YTHDC1: variants seen among roughly 807,000 people sequenced by gnomAD.
YTHDC1 encodes YTH domain-containing protein 1.
In YTHDC1, 12 loss-of-function variants were observed where a neutral mutation model predicts 107.0. The ratio of observed to expected loss-of-function variants is 0.11; its 90% CI spans 0.07 to 0.18. The LOEUF (loss-of-function observed/expected upper bound fraction) is 0.18. Ranked by LOEUF, YTHDC1 falls within the 10% of genes least tolerant of loss-of-function variation. The probability of loss-of-function intolerance (pLI) is 1.00; values close to 1 mark genes in which losing one functional copy is unlikely to be tolerated. For synonymous variants in YTHDC1, 280 were observed against 289.5 expected, an observed-to-expected ratio of 0.97 and a Z score of 0.33; for missense variants, 635 against 898.8, an observed-to-expected ratio of 0.71 and a Z score of 3.75.
chr4:68,322,958 T>C lies in YTHDC1; in HGVS notation c.1435-43A>G, dbSNP rs763145759. 4.4e-6 allele frequency: 7 copies of C among 1,586,902 alleles called. No homozygotes were observed. Among genetic ancestry groups the C allele is most frequent in the Admixed American group, 3.4e-5 (2 of 58,290 alleles). On this transcript the variant is annotated intron_variant, in intron 10 of 16. Transcript: ENST00000344157. The surrounding 1 kb of genome is among the most constrained non-coding windows in gnomAD (Gnocchi z 4.8). ...CAATTTATAAAACAAAAACAGACCC[T>C]TTCAACAGACTTGCATTTTCCTGAT...
intron 4 of YTHDC1, among the ~76,000 whole-genome samples, chr4:68,335,851 C>T (rs112717260): frequency 5.3e-5 from 8 of 151,388 alleles, no homozygotes; most frequent in South Asian, 2.1e-4. Flanking sequence ...AACTCTACCT[C>T]CCTTGAAAAG....
Position 68,322,586 on chromosome 4 carries a change from G to C in YTHDC1, c.1601+163C>G. On this transcript the variant is annotated intron_variant, in intron 11 of 16. Transcript: ENST00000344157. The surrounding 1 kb of genome is among the most constrained non-coding windows in gnomAD (Gnocchi z 4.8). Reference sequence around the variant, plus strand: ...CTTGAAAAATGACTGAGACCAAGGTGACCATGTGAAATCCTCAATGAAGCC... The same window carrying C: ...CTTGAAAAATGACTGAGACCAAGGTCACCATGTGAAATCCTCAATGAAGCC... 1.3e-6 allele frequency: 1 copy of C among 787,892 alleles called. No individual in the cohort carries two copies. Among genetic ancestry groups the C allele is most frequent in the Non-Finnish European group, 1.9e-6 (1 of 521,794 alleles). 48.8% of individuals were successfully genotyped at this position (787,892 alleles called of 1,614,324 possible).
chr4:68,340,510 T>G (rs1034201546), intron 1 of YTHDC1, among the ~76,000 whole-genome samples: 2 of 152,030 alleles, frequency 1.3e-5, no homozygotes, highest in Non-Finnish European at 2.9e-5. Context: ...TAAGAAAAAT[T>G]TCTTCAAGAT....
chr4:68,330,199 T>C lies in YTHDC1; in HGVS notation c.1231+3A>G. The stretch of plus-strand genomic sequence containing the variant: ...TATATGTCCAAATTATTTTTATTCT[T>C]ACCTTGAAATTTTCCACTCTCTCTG... On this transcript the variant is annotated splice_donor_region_variant and intron_variant, in intron 8 of 16. Transcript: ENST00000344157. 1 of 1,588,362 alleles carries C rather than the reference T, an allele frequency of 6.3e-7. No individual in the cohort carries two copies. The highest frequency in any genetic ancestry group is 8.6e-7 in the Non-Finnish European group (1 of 1,165,216).
In YTHDC1 at chr4:68,318,499, A is replaced by C; in HGVS notation, c.1824+20T>G. 4 of 1,584,396 alleles carry C rather than the reference A, an allele frequency of 2.5e-6. No individual in the cohort carries two copies. The highest frequency in any genetic ancestry group is 3.4e-6 in the Non-Finnish European group (4 of 1,166,406). ...CTGCAAATTAAGTTATGTAACTTAT[A>C]AAAATAGAATAATACAAACCATTCC... On this transcript the variant is annotated intron_variant, in intron 15 of 16. Coordinates refer to ENST00000344157, the MANE Select transcript of YTHDC1 (RefSeq NM_001031732.4).
At chr4:68,348,677 A>G (rs1725716714) in intron 1 of YTHDC1, among the ~76,000 whole-genome samples, 1 of 152,170 alleles carries the variant, frequency 6.6e-6, no homozygotes, top group Admixed American at 6.5e-5. Flanking sequence ...TGCAGAAACC[A>G]GAAAAATTAA....
Position 68,322,868 on chromosome 4 carries a change from G to A in YTHDC1, c.1482C>T (p.Pro494=), listed in dbSNP as rs539394603. ...CGTQLCLLFP[P]DESIDLYQVI... is the part of the protein sequence containing the mutation. ...CCTGATACAAGTCAATACTTTCATC[G>A]GGGGGAAACAGAAGACAAAGCTGGG... The change falls in exon 11 of 17, where the codon CCC becomes CCT. Residue 494 remains proline, a synonymous_variant. Coordinates refer to ENST00000344157, the MANE Select transcript of YTHDC1 (RefSeq NM_001031732.4). The surrounding 1 kb of genome is among the most constrained non-coding windows in gnomAD (Gnocchi z 4.8). 58 of 1,613,790 alleles carry A rather than the reference G, an allele frequency of 3.6e-5. No homozygotes were observed. Among genetic ancestry groups the A allele is most frequent in the African/African-American group, 1.7e-4 (13 of 74,984 alleles).
At chr4:68,346,326 G>A (rs1036730344) in intron 1 of YTHDC1, among the ~76,000 whole-genome samples, 2 of 152,042 alleles carry the variant, frequency 1.3e-5, no homozygotes, top group African/African-American at 4.8e-5. Flanking sequence ...TTGGGAGGTT[G>A]GGGATGCAGT....
At chr4:68,337,488 AAAGAC>A in intron 3 of YTHDC1, 38 bp from the exon 4 acceptor site, 1 of 1,606,626 alleles carries the variant, frequency 6.2e-7, no homozygotes, top group Non-Finnish European at 8.5e-7. Flanking sequence ...CAGTCATATA[AAAGAC>A]AAGGTCAGGG....
chr4:68,333,787 C>G (rs1329263410), intron 4 of YTHDC1, among the ~76,000 whole-genome samples: 1 of 151,940 alleles, frequency 6.6e-6, no homozygotes, highest in Non-Finnish European at 1.5e-5. Flanking sequence ...TTTTTAAACT[C>G]CACTACCATT....
At chr4:68,339,920 A>G (rs1724631263) in intron 1 of YTHDC1, among the ~76,000 whole-genome samples, 1 of 152,192 alleles carries the variant, frequency 6.6e-6, no homozygotes, top group Admixed American at 6.5e-5. Context: ...GATAAACCTT[A>G]GAAATACACA....
rs991922786 is a variant in YTHDC1 at position 68,313,962 on chromosome 4, G to T, written c.*137C>A. Reference sequence around the variant, plus strand: ...ATGATACTGCATGCTTGGAACAAAGGGGGTCATAATAAATCCTTCTACACA... The same window carrying T: ...ATGATACTGCATGCTTGGAACAAAGTGGGTCATAATAAATCCTTCTACACA... On this transcript the variant is annotated 3_prime_UTR_variant, in exon 17 of 17. Transcript: ENST00000344157. The T allele has an allele frequency of 1.1e-6, 1 of 904,038 alleles. No homozygotes were observed. The highest frequency in any genetic ancestry group is 2.3e-5 in the Admixed American group (1 of 43,290). 56.0% of individuals were successfully genotyped at this position (904,038 alleles called of 1,614,324 possible).
intron 2 of YTHDC1, 151 bp downstream of exon 2, chr4:68,338,132 C>T (rs939361189): frequency 5.9e-6 from 8 of 1,344,710 alleles, no homozygotes; most frequent in Non-Finnish European, 8.0e-6. Flanking sequence ...AACAGATTAT[C>T]CCTATTCATA....
rs1274750350 is a variant in YTHDC1 at position 68,311,292 on chromosome 4, C to T, written c.*2807G>A. ...ATGGCCATTTTCTGAAAAATTAGAC[C>T]ATGCTTGAAAAAAAGCCATTATGGA... On this transcript the variant is annotated 3_prime_UTR_variant, in exon 17 of 17. Transcript: ENST00000344157. 1 of 151,382 alleles carries T rather than the reference C, an allele frequency of 6.6e-6. No individual in the cohort carries two copies. Among genetic ancestry groups the T allele is most frequent in the Non-Finnish European group, 1.5e-5 (1 of 67,824 alleles). The allele number at this position is 151,382 out of a possible 1,614,324, so 9.4% of individuals were successfully genotyped here.
At position 68,318,934 on chromosome 4, in the gene YTHDC1, C is replaced by T. The variant is rs974082420; in HGVS notation, c.1685-72G>A. The T allele has an allele frequency of 4.1e-5, 60 of 1,478,764 alleles. 1 individual carries two copies. The South Asian group carries it at 4.3e-4, about 11-fold the overall frequency. 91.6% of individuals were successfully genotyped at this position (1,478,764 alleles called of 1,614,324 possible). On this transcript the variant is annotated intron_variant, in intron 12 of 16. Coordinates refer to ENST00000344157, the MANE Select transcript of YTHDC1 (RefSeq NM_001031732.4). ...TTTATGGCATTATAATTAAACCTTC[C>T]TTACCACTCGTTTCAATTCTTTCCA...
rs112246578 is a variant in YTHDC1, at chr4:68,332,584, A to G, written c.1027+210T>C. 4.1e-3 allele frequency among the ~76,000 whole-genome samples: 626 copies of G among 152,054 alleles called. 3 individuals are homozygous for G. The highest frequency in any genetic ancestry group is 0.014 in the African/African-American group (586 of 41,520). ...CACACACCCATCCCATTTTGTCCAA[A>G]AACTAAAATATCCTGAAATGTTTGG... On this transcript the variant is annotated intron_variant, in intron 6 of 16. Coordinates refer to ENST00000344157, the MANE Select transcript of YTHDC1 (RefSeq NM_001031732.4).
intron 9 of YTHDC1, among the ~76,000 whole-genome samples, chr4:68,327,392 G>T (rs1723113349): frequency 6.7e-6 from 1 of 148,834 alleles, no homozygotes; most frequent in Admixed American, 6.7e-5. Context: ...AATTACAGGT[G>T]GCAACCTTAA....
rs200076950 is a variant in YTHDC1, at chr4:68,337,805, A to G, written c.226T>C (p.Ser76Pro). The stretch of plus-strand genomic sequence containing the variant: ...ATTCTTTTGTTATTGCTAACAGATG[A>G]GCTCAGTGGCTTAGAAACCAGTTGT... ...SRQLVSKPLS[S>P]SVSNNKRIVS... The change falls in exon 3 of 17, where the codon TCA becomes CCA. Residue 76 changes from serine (S) to proline (P), a missense_variant. This residue lies in a region of YTHDC1 where 294 missense variants were observed against 312.3 expected (regional missense o/e 0.94). Transcript: ENST00000344157. 125 of 1,613,958 alleles carry G rather than the reference A, an allele frequency of 7.7e-5. No individual in the cohort carries two copies. The highest frequency in any genetic ancestry group is 1.0e-4 in the Non-Finnish European group (122 of 1,180,034).
At position 68,311,952 on chromosome 4, in the gene YTHDC1, G is replaced by C. The variant is rs1338168424; in HGVS notation, c.*2147C>G. 6.6e-6 allele frequency: 1 copy of C among 152,102 alleles called. No homozygotes were observed. Among genetic ancestry groups the C allele is most frequent in the Non-Finnish European group, 1.5e-5 (1 of 68,050 alleles). The allele number at this position is 152,102 out of a possible 1,614,324, so 9.4% of individuals were successfully genotyped here. On this transcript the variant is annotated 3_prime_UTR_variant, in exon 17 of 17. Coordinates refer to ENST00000344157, the MANE Select transcript of YTHDC1 (RefSeq NM_001031732.4). ...TCACTTGAGGTCGAGTTTGAGACCAGCCTGGCCAACATGTTGGAACCCCAT... is the reference window on the plus strand; with the variant it reads ...TCACTTGAGGTCGAGTTTGAGACCACCCTGGCCAACATGTTGGAACCCCAT...
Sources: gnomAD v4.1 joint callset for allele counts (sites outside exome capture counted in the v4.1 genomes callset) on GRCh38, gnomAD v4.1.1 for gene constraint, gnomAD v4.1.1 regional missense constraint, Gnocchi (gnomAD v3.1) non-coding constraint, MANE v1.5 for transcripts, NCBI Gene and HGNC (gene_info 2026-07-23, HGNC 2026-07-21) for gene names.